POLG2: variants seen among roughly 807,000 people sequenced by gnomAD.
POLG2 encodes DNA polymerase subunit gamma-2.
In POLG2, 50 loss-of-function variants were observed where a neutral mutation model predicts 56.5. That is an observed-to-expected ratio of 0.88 (90% CI 0.71 to 1.12). The LOEUF is 1.12. Ranked by LOEUF, POLG2 falls within the 50% of genes most tolerant of loss-of-function variation. The pLI is 0.00. For missense variants in POLG2, 584 were observed against 583.3 expected (o/e 1.00, Z -0.01); for synonymous variants, 226 against 222.6 (o/e 1.02, Z -0.14).
intron 4 of POLG2, among the ~76,000 whole-genome samples, chr17:64,489,609 C>T (rs2038021052): frequency 1.3e-5 from 2 of 151,920 alleles, no homozygotes; most frequent in Admixed American, 6.6e-5. Flanking sequence ...AATATTAAAC[C>T]ATCAGTCGGG....
intron 6 of POLG2, among the ~76,000 whole-genome samples, chr17:64,482,252 T>A (rs2037873646): frequency 6.6e-6 from 1 of 151,716 alleles, no homozygotes; most frequent in Non-Finnish European, 1.5e-5. Context: ...TACAGGCACA[T>A]ACCATTATGC....
Position 64,477,945 on chromosome 17 carries a change from T to C in POLG2, c.1336A>G (p.Thr446Ala). Residue 446 changes from threonine to alanine, a missense_variant, in exon 8 of 8, where the codon ACT (threonine) becomes GCT (alanine). Physicochemically the swap from Thr to Ala is moderately conservative, Grantham distance 58. Coordinates refer to ENST00000539111, the MANE Select transcript of POLG2 (RefSeq NM_007215.4). The part of the protein sequence containing the change: ...SILFTVLVTE[T>A]TLENGLIHLR... ...TGTATTAATCCATTCTCCAAAGTAG[T>C]TTCAGTAACCAAAACTGTGAAGAGA... is the stretch of plus-strand genomic sequence containing the variant. The C allele has an allele frequency of 6.2e-7, 1 of 1,614,012 alleles. No homozygotes were observed.
chr17:64,485,966 G>T (rs1462869337), intron 4 of POLG2, 98 bp from the exon 5 acceptor site: 3 of 1,160,724 alleles, frequency 2.6e-6, no homozygotes, highest in African/African-American at 3.0e-5. Flanking sequence ...GGCCAGGCTG[G>T]AGTGCAGTGG....
rs1555669550 is a variant in POLG2 at position 64,496,552 on chromosome 17, T to C, written c.417A>G (p.Leu139=). The change falls in exon 1 of 8, where the codon CTA becomes CTG. Residue 139 remains leucine, a synonymous_variant. Transcript: ENST00000539111. ...DALHHKPGPL[L]PGDSAFRLVS... ...CTAACCTGAAGGCACTGTCCCCGGGTAGCAAAGGGCCTGGTTTGTGGTGGA... is the reference window on the plus strand; with the variant it reads ...CTAACCTGAAGGCACTGTCCCCGGGCAGCAAAGGGCCTGGTTTGTGGTGGA... 6.2e-7 allele frequency: 1 copy of C among 1,613,108 alleles called. No individual in the cohort carries two copies. The highest frequency in any genetic ancestry group is 8.5e-7 in the Non-Finnish European group (1 of 1,179,272).
chr17:64,491,071 C>T, intron 3 of POLG2, 102 bp from the exon 4 acceptor site: 1 of 947,944 alleles, frequency 1.1e-6, no homozygotes, highest in Non-Finnish European at 1.7e-6. Flanking sequence ...ACTTTTTATT[C>T]AGCAAATGTG....
intron 1 of POLG2, among the ~76,000 whole-genome samples, chr17:64,495,452 T>C (rs188941098): frequency 1.3e-5 from 2 of 151,982 alleles, no homozygotes; most frequent in East Asian, 3.9e-4. Flanking sequence ...TGGTGGCATG[T>C]GCCTGTAGTC....
At chr17:64,494,909 C>G (rs2038124065) in intron 1 of POLG2, among the ~76,000 whole-genome samples, 1 of 152,220 alleles carries the variant, frequency 6.6e-6, no homozygotes, top group Admixed American at 6.5e-5. Flanking sequence ...CGCAGTGGCT[C>G]ACGCCTGTAA....
chr17:64,479,140 T>C (rs2037815292), intron 7 of POLG2, among the ~76,000 whole-genome samples: 1 of 150,480 alleles, frequency 6.6e-6, no homozygotes, highest in African/African-American at 2.4e-5. Context: ...TTAGATGCTC[T>C]AATTATAGAA....
chr17:64,485,914 T>A lies in POLG2; in HGVS notation c.970-46A>T, dbSNP rs781968298. On this transcript the variant is annotated intron_variant, in intron 4 of 7. Coordinates refer to ENST00000539111, the MANE Select transcript of POLG2 (RefSeq NM_007215.4). ...AAAATAATCATTTCACAGAACTTTT[T>A]TTGTTTGTTTGTTTTTGAGACGGAG... 8.8e-6 allele frequency: 14 copies of A among 1,597,058 alleles called. No homozygotes were observed. The South Asian group carries it at 1.5e-4, about 18-fold the overall frequency.
Position 64,482,997 on chromosome 17 carries a change from T to C in POLG2, c.1113A>G (p.Val371=). The change falls in exon 6 of 8, where the codon GTA becomes GTG. Residue 371 remains valine (V), a splice_region_variant and synonymous_variant. Coordinates refer to ENST00000539111, the MANE Select transcript of POLG2 (RefSeq NM_007215.4). ...GGGCTAAACAAGGGTGAAGTTTAAG[T>C]ACCTAAGGCAATTAAATGGGGGAGG... ...FTRKKNLHRK[V]LKLHPCLAPI... 1 of 1,575,878 alleles carries C rather than the reference T, an allele frequency of 6.3e-7. No individual in the cohort carries two copies. The highest frequency in any genetic ancestry group is 1.1e-5 in the South Asian group (1 of 89,158).
intron 6 of POLG2, among the ~76,000 whole-genome samples, chr17:64,481,823 C>T (rs895253164): frequency 4.0e-5 from 6 of 151,342 alleles, no homozygotes; most frequent in Admixed American, 4.0e-4. Context: ...TGCAGTGAGC[C>T]GAGATCGTGC....
At chr17:64,495,802 G>T (rs1463152831) in intron 1 of POLG2, among the ~76,000 whole-genome samples, 3 of 151,864 alleles carry the variant, frequency 2.0e-5, no homozygotes, top group Non-Finnish European at 4.4e-5. Flanking sequence ...TCTGCCTCCT[G>T]GGTTCAAGCG....
At chr17:64,480,504 C>A in intron 6 of POLG2, 115 bp from the exon 7 acceptor site, 1 of 537,754 alleles carries the variant, frequency 1.9e-6, no homozygotes, top group Non-Finnish European at 3.6e-6. Context: ...GGGTATGTTT[C>A]TTTAATTATG....
chr17:64,492,745 T>C lies in POLG2; in HGVS notation c.717A>G (p.Leu239=), dbSNP rs782531256. 7 of 1,612,894 alleles carry C rather than the reference T, an allele frequency of 4.3e-6. No homozygotes were observed. The highest frequency in any genetic ancestry group is 1.7e-5 in the Admixed American group (1 of 59,994). The change falls in exon 3 of 8, where the codon TTA becomes TTG. Residue 239 remains leucine (L), a synonymous_variant. Transcript: ENST00000539111. ...KSIGEKTEAS[L]VWFTPPRTSN... The stretch of plus-strand genomic sequence containing the variant: ...AAGTTCTCGGAGGAGTAAACCATAC[T>C]AACGAAGCTTCAGTCTTCTCACCAA...
At chr17:64,483,345 C>T (rs1444140931) in intron 5 of POLG2, among the ~76,000 whole-genome samples, 1 of 149,918 alleles carries the variant, frequency 6.7e-6, no homozygotes, top group Admixed American at 6.6e-5. Flanking sequence ...GAAAACTTCT[C>T]TCTACCAAAA....
In POLG2 at chr17:64,496,670, C is replaced by G. The variant is rs782380154; in HGVS notation, c.299G>C (p.Gly100Ala). Residue 100 changes from glycine (G) to alanine (A), a missense_variant, in exon 1 of 8, where the codon GGA (glycine) becomes GCA (alanine). By Grantham distance (60) the Gly-to-Ala change is moderately conservative. Transcript: ENST00000539111. ...SLLSGCHPGF[G>A]PLGVELRKNL... ...CTTCCGCAACTCTACGCCCAAGGGT[C>G]CGAAGCCGGGGTGGCACCCACTCAG... 50 of 1,613,908 alleles carry G rather than the reference C, an allele frequency of 3.1e-5. No homozygotes were observed. The highest frequency in any genetic ancestry group is 4.1e-5 in the Non-Finnish European group (48 of 1,180,002).
intron 5 of POLG2, 45 bp downstream of exon 5, chr17:64,485,683 C>T: frequency 6.7e-7 from 1 of 1,491,468 alleles, no homozygotes; most frequent in Non-Finnish European, 9.3e-7. Flanking sequence ...CAAACAAACC[C>T]ATATTTTTAG....
intron 4 of POLG2, 35 bp downstream of exon 4, chr17:64,490,761 G>A (rs1555668321): frequency 1.9e-6 from 3 of 1,542,298 alleles, no homozygotes; most frequent in South Asian, 1.1e-5. Flanking sequence ...GAGAATCTGG[G>A]TAAAAAATAC....
chr17:64,492,317 C>A (rs6504235), intron 3 of POLG2, among the ~76,000 whole-genome samples: 12,971 of 151,974 alleles, frequency 0.085, 1,597 homozygotes, highest in African/African-American at 0.27. Context: ...AATTACAGAG[C>A]CATTTTGACT....
Sources: allele counts gnomAD v4.1 joint callset (sites outside exome capture counted in the v4.1 genomes callset), GRCh38; gene constraint gnomAD v4.1.1; transcripts MANE v1.5; gene names NCBI Gene and HGNC (gene_info 2026-07-23, HGNC 2026-07-21).